Variants in VPS26B observed in about 807,000 individuals in gnomAD.
The protein encoded by VPS26B is vacuolar protein sorting-associated protein 26B.
A neutral mutation model predicts 33.3 loss-of-function variants in VPS26B; 10 were observed. The ratio of observed to expected loss-of-function variants is 0.30; its 90% confidence interval spans 0.19 to 0.51. The LOEUF is 0.51. VPS26B is among the 20% of genes least tolerant of loss of function. VPS26B has a pLI of 0.98. For synonymous variants in VPS26B, 190 were observed against 176.9 expected (o/e 1.07, Z -0.59); for missense variants, 317 against 452.7 (o/e 0.70, Z 2.72).
chr11:134,239,559 A>G (rs967132557), intron 2 of VPS26B: 1 of 184,380 alleles, frequency 5.4e-6, no homozygotes, highest in African/African-American at 2.4e-5. Flanking sequence ...ACATGCAAAG[A>G]TAAAACTACG....
At chr11:134,231,765 G>A (rs190694026) in intron 1 of VPS26B, among the ~76,000 whole-genome samples, 12 of 152,266 alleles carry the variant, frequency 7.9e-5, no homozygotes, top group Middle Eastern at 3.4e-3. Context: ...GGGTTTCACC[G>A]TCTTGGCCAG....
At chr11:134,230,487 T>C (rs748057412) in intron 1 of VPS26B, among the ~76,000 whole-genome samples, 3 of 152,322 alleles carry the variant, frequency 2.0e-5, no homozygotes, top group Non-Finnish European at 4.4e-5. Flanking sequence ...GGAGGAGGCA[T>C]TGATGAGCAA....
At chr11:134,230,090 C>G (rs1198249796) in intron 1 of VPS26B, among the ~76,000 whole-genome samples, 3 of 152,238 alleles carry the variant, frequency 2.0e-5, no homozygotes, top group African/African-American at 7.2e-5. Context: ...CTTCCCCAGG[C>G]TGACTTAAGT....
rs1272604488 is a variant in VPS26B, at chr11:134,225,164, C to G, written c.42C>G (p.Ile14Met). 2 of 1,613,610 alleles carry G rather than the reference C, an allele frequency of 1.2e-6. No individual in the cohort carries two copies. Among genetic ancestry groups the G allele is most frequent in the Non-Finnish European group, 1.7e-6 (2 of 1,179,720 alleles). ...TCGGGCAGAGCGTGGAGGTGGAAAT[C>G]CTTCTGAACGATGCAGAGAGTAGGA... is the stretch of plus-strand genomic sequence containing the variant. ...FGFGQSVEVE[I>M]LLNDAESRKR... is the part of the protein sequence containing the mutation. The change falls in exon 1 of 6, where the codon ATC (isoleucine) becomes ATG (methionine). Residue 14 changes from isoleucine (I) to methionine (M), a missense_variant. Physicochemically the swap from Ile to Met is conservative, Grantham distance 10. Coordinates refer to ENST00000281187, the MANE Select transcript of VPS26B (RefSeq NM_052875.5).
rs1310726337 is a variant in VPS26B, at chr11:134,245,884, T to TA, written c.*295dup. The TA allele has an allele frequency of 1.3e-5, 5 of 386,502 alleles. No individual in the cohort carries two copies. In the East Asian group the frequency reaches 1.8e-4, roughly 14 times the overall value. The allele number at this position is 386,502 out of a possible 1,614,324, so 23.9% of individuals were successfully genotyped here. ...TTCCTCGGGGGGCTGCCTTGCGTCT[T>TA]AGAGGAGGGAGAGCAGAGAGCACGC... On this transcript the variant is annotated 3_prime_UTR_variant, in exon 6 of 6. Coordinates refer to ENST00000281187, the MANE Select transcript of VPS26B (RefSeq NM_052875.5). The surrounding 1 kb of genome is among the most constrained non-coding windows in gnomAD (Gnocchi z 4.7).
intron 1 of VPS26B, among the ~76,000 whole-genome samples, chr11:134,233,153 C>T (rs200007894): frequency 1.3e-5 from 2 of 152,130 alleles, no homozygotes; most frequent in East Asian, 1.9e-4. Context: ...TGTAGTTACA[C>T]GGGAAATCAG....
chr11:134,228,188 A>G (rs971358576), intron 1 of VPS26B, among the ~76,000 whole-genome samples: 7 of 152,174 alleles, frequency 4.6e-5, no homozygotes, highest in African/African-American at 1.7e-4. Flanking sequence ...TATTTGATGT[A>G]AAAGGGAGTT....
intron 1 of VPS26B, among the ~76,000 whole-genome samples, chr11:134,234,045 C>T (rs532427776): frequency 2.0e-5 from 3 of 152,128 alleles, no homozygotes; most frequent in Non-Finnish European, 2.9e-5. Context: ...TTCTCAGGCC[C>T]CATCCCAGAC....
chr11:134,244,361 TA>T lies in VPS26B; in HGVS notation c.722-576del, dbSNP rs1298003794. ...TGATGTTAGAGCTGGAAGGGATCTG[TA>T]GTATCACGCAGTCCGATTCTCTAAT... On this transcript the variant is annotated intron_variant, in intron 4 of 5. Coordinates refer to ENST00000281187, the MANE Select transcript of VPS26B (RefSeq NM_052875.5). The surrounding 1 kb of genome is among the most constrained non-coding windows in gnomAD (Gnocchi z 4.0). 6.6e-6 allele frequency: 1 copy of T among 152,412 alleles called. No homozygotes were observed. The highest frequency in any genetic ancestry group is 1.5e-5 in the Non-Finnish European group (1 of 68,210). The allele number at this position is 152,412 out of a possible 1,614,324, so 9.4% of individuals were successfully genotyped here.
intron 2 of VPS26B, among the ~76,000 whole-genome samples, chr11:134,238,720 C>A (rs915537256): frequency 6.6e-6 from 1 of 152,058 alleles, no homozygotes; most frequent in African/African-American, 2.4e-5. Context: ...CTCAGCCTCC[C>A]GAGTAGCTGG....
intron 1 of VPS26B, 150 bp from the exon 2 acceptor site, chr11:134,234,747 G>T: frequency 1.1e-6 from 1 of 873,290 alleles, no homozygotes; most frequent in East Asian, 2.8e-5. Flanking sequence ...AAAGAGCAGA[G>T]GTCAAGAAAA....
intron 1 of VPS26B, among the ~76,000 whole-genome samples, chr11:134,233,462 G>A (rs1277106107): frequency 6.6e-6 from 1 of 152,204 alleles, no homozygotes; most frequent in Non-Finnish European, 1.5e-5. Context: ...GGTGGCTCGC[G>A]CCTGTAATCC....
chr11:134,240,794 C>CGTGTGTGTGTGTGT lies in VPS26B; in HGVS notation c.545+660_545+673dup, dbSNP rs55726358. Among the ~76,000 whole-genome samples, 309 of 138,528 alleles carry CGTGTGTGTGTGTGT rather than the reference C, an allele frequency of 2.2e-3. 4 individuals are homozygous for CGTGTGTGTGTGTGT. The highest frequency in any genetic ancestry group is 0.012 in the South Asian group (49 of 4,148). 90.9% of individuals were successfully genotyped at this position (138,528 alleles called of 152,430 possible). ...GTGTCCGTGTGTGTGTGTGTGTGTC[C>CGTGTGTGTGTGTGT]GTGTGTGTGTGTGTGTGTGTGTGTG... On this transcript the variant is annotated intron_variant, in intron 3 of 5. Transcript: ENST00000281187. This position sits in a 1 kb window ranked among gnomAD's most constrained non-coding sequence, Gnocchi z 4.4.
chr11:134,234,149 T>G (rs566839007), intron 1 of VPS26B, among the ~76,000 whole-genome samples: 2 of 152,336 alleles, frequency 1.3e-5, no homozygotes, highest in Non-Finnish European at 2.9e-5. Context: ...CGACACCCCC[T>G]GATTTCAGTG....
chr11:134,235,122 G>C (rs575345296), intron 2 of VPS26B, 69 bp downstream of exon 2: 2 of 1,535,380 alleles, frequency 1.3e-6, no homozygotes, highest in Non-Finnish European at 1.8e-6. Context: ...ACCTGAGGCC[G>C]TCCCCACTTT....
intron 2 of VPS26B, 153 bp downstream of exon 2, chr11:134,235,206 G>A: frequency 2.0e-6 from 2 of 992,392 alleles, no homozygotes; most frequent in South Asian, 1.8e-5. Flanking sequence ...TTAACCGTGG[G>A]CCTTCTAGGA....
At chr11:134,242,779 T>A (rs1938752710) in intron 3 of VPS26B, among the ~76,000 whole-genome samples, 1 of 152,260 alleles carries the variant, frequency 6.6e-6, no homozygotes, top group Non-Finnish European at 1.5e-5. Flanking sequence ...CTTGTGGGAC[T>A]AGCCTCTCAT....
In VPS26B at chr11:134,245,192, C is replaced by T; in HGVS notation, c.864+112C>T. 1 of 1,442,172 alleles carries T rather than the reference C, an allele frequency of 6.9e-7. No homozygotes were observed. Among genetic ancestry groups the T allele is most frequent in the Non-Finnish European group, 9.2e-7 (1 of 1,081,416 alleles). The allele number at this position is 1,442,172 out of a possible 1,614,324, so 89.3% of individuals were successfully genotyped here. Reference sequence around the variant, plus strand: ...CCAAGAGGTGGGAACATTAGGTCGCCCACAATTGCACAACAAGAATGAGGA... The same window carrying T: ...CCAAGAGGTGGGAACATTAGGTCGCTCACAATTGCACAACAAGAATGAGGA... On this transcript the variant is annotated intron_variant, in intron 5 of 5. Transcript: ENST00000281187. The surrounding 1 kb of genome is among the most constrained non-coding windows in gnomAD (Gnocchi z 4.7).
chr11:134,230,389 C>A (rs1160175450), intron 1 of VPS26B, among the ~76,000 whole-genome samples: 2 of 152,154 alleles, frequency 1.3e-5, no homozygotes, highest in African/African-American at 2.4e-5. Context: ...CATCTCCTCC[C>A]AGATAAGCAA....
Sources: gnomAD v4.1 joint callset for allele counts (sites outside exome capture counted in the v4.1 genomes callset) on GRCh38, gnomAD v4.1.1 for gene constraint, Gnocchi (gnomAD v3.1) non-coding constraint, MANE v1.5 for transcripts, NCBI Gene and HGNC (gene_info 2026-07-23, HGNC 2026-07-21) for gene names.